JMJD1C: variants seen among roughly 807,000 people sequenced by gnomAD.
JMJD1C encodes jumonji domain containing 1C.
A neutral mutation model predicts 245.3 loss-of-function variants in JMJD1C; 31 were observed. The ratio of observed to expected loss-of-function variants is 0.13; its 90% CI spans 0.09 to 0.17. JMJD1C has a LOEUF of 0.17. Among genes scored for constraint, JMJD1C ranks in the 10% least tolerant of loss-of-function variants. JMJD1C has a pLI of 1.00. For synonymous variants in JMJD1C, 1,057 were observed against 1,017.4 expected (o/e 1.04, Z -0.74); for missense variants, 2,691 against 3,000.2 (o/e 0.90, Z 2.41).
chr10:63,366,006 T>C (rs554327469), intron 2 of JMJD1C, among the ~76,000 whole-genome samples: 1 of 152,096 alleles, frequency 6.6e-6, no homozygotes, highest in East Asian at 1.9e-4. Context: ...CATAATGAAA[T>C]GGGAATGGTC....
intron 2 of JMJD1C, among the ~76,000 whole-genome samples, chr10:63,270,808 G>C (rs1340038738): frequency 1.3e-5 from 2 of 152,094 alleles, no homozygotes. Context: ...CTTACGTGAT[G>C]ATATGAGACT....
chr10:63,389,443 TCTTTTTTTTTTC>T (rs1947880227), intron 1 of JMJD1C, among the ~76,000 whole-genome samples: 1 of 149,788 alleles, frequency 6.7e-6, no homozygotes, highest in Admixed American at 6.9e-5. Context: ...ATTTTGTTTT[TCTTTTTTTTTTC>T]CTTTTTTTTT....
At chr10:63,503,117 G>C (rs1377963320) in intron 1 of JMJD1C, among the ~76,000 whole-genome samples, 3 of 152,160 alleles carry the variant, frequency 2.0e-5, no homozygotes, top group African/African-American at 4.8e-5. Flanking sequence ...TAAAGACAAA[G>C]GGCCTGAGAA....
At chr10:63,332,930 T>C (rs1448412877) in intron 2 of JMJD1C, among the ~76,000 whole-genome samples, 1 of 152,170 alleles carries the variant, frequency 6.6e-6, no homozygotes, top group Non-Finnish European at 1.5e-5. Context: ...TAAACCATTA[T>C]GCTAATTATC....
intron 1 of JMJD1C, among the ~76,000 whole-genome samples, chr10:63,448,710 G>T (rs1331171779): frequency 1.3e-5 from 2 of 152,190 alleles, no homozygotes; most frequent in African/African-American, 2.4e-5. Context: ...GAAATCATTT[G>T]AAGTCTATTG....
intron 2 of JMJD1C, among the ~76,000 whole-genome samples, chr10:63,352,762 G>A (rs188475123): frequency 6.6e-6 from 1 of 152,062 alleles, no homozygotes; most frequent in Non-Finnish European, 1.5e-5. Flanking sequence ...GGTTTGAAAT[G>A]CATAGGTATG....
intron 2 of JMJD1C, among the ~76,000 whole-genome samples, chr10:63,369,280 T>C (rs1450123151): frequency 6.6e-6 from 1 of 152,014 alleles, no homozygotes; most frequent in Admixed American, 6.6e-5. Context: ...CAGCTGGTAT[T>C]ATGGAAGTGC....
chr10:63,216,161 A>T (rs1188068173), intron 5 of JMJD1C, among the ~76,000 whole-genome samples: 2 of 152,204 alleles, frequency 1.3e-5, no homozygotes, highest in Admixed American at 6.5e-5. Flanking sequence ...TCTGAGAGGT[A>T]AAAGTTTGTC....
chr10:63,349,536 T>C (rs1007946043), intron 2 of JMJD1C, among the ~76,000 whole-genome samples: 1 of 152,186 alleles, frequency 6.6e-6, no homozygotes, highest in Non-Finnish European at 1.5e-5. Context: ...CAGGCATGTA[T>C]TAGCAATAAC....
At chr10:63,223,235 T>G (rs1380215809) in intron 3 of JMJD1C, among the ~76,000 whole-genome samples, 2 of 149,040 alleles carry the variant, frequency 1.3e-5, no homozygotes, top group African/African-American at 2.5e-5. Context: ...TGCTGTTTTT[T>G]TTTTTTTTTT....
At chr10:63,353,284 C>T (rs934830625) in intron 2 of JMJD1C, among the ~76,000 whole-genome samples, 2 of 151,982 alleles carry the variant, frequency 1.3e-5, no homozygotes, top group Non-Finnish European at 2.9e-5. Flanking sequence ...AAGAAACTTA[C>T]AGCAATAAAT....
intron 1 of JMJD1C, among the ~76,000 whole-genome samples, chr10:63,448,408 C>T (rs1313115892): frequency 6.6e-6 from 1 of 152,140 alleles, no homozygotes; most frequent in African/African-American, 2.4e-5. Flanking sequence ...CCACCTGCCT[C>T]GGCCTCCCAA....
At chr10:63,309,989 A>G (rs993595489) in intron 2 of JMJD1C, among the ~76,000 whole-genome samples, 2 of 152,196 alleles carry the variant, frequency 1.3e-5, no homozygotes, top group African/African-American at 4.8e-5. Context: ...TGGACAAAAG[A>G]TCACGTCACA....
intron 2 of JMJD1C, among the ~76,000 whole-genome samples, chr10:63,321,280 T>C (rs1393155270): frequency 2.0e-5 from 3 of 152,246 alleles, no homozygotes; most frequent in South Asian, 2.1e-4. Context: ...AGCAAACTAA[T>C]TGAACATGAG....
At chr10:63,212,416 C>T (rs7920159) in intron 8 of JMJD1C, among the ~76,000 whole-genome samples, 2 of 152,032 alleles carry the variant, frequency 1.3e-5, no homozygotes, top group Non-Finnish European at 2.9e-5. Flanking sequence ...GTTGTCTCCT[C>T]GGAGTTTAAA....
At chr10:63,406,333 A>G (rs1270419870) in intron 1 of JMJD1C, among the ~76,000 whole-genome samples, 2 of 152,200 alleles carry the variant, frequency 1.3e-5, no homozygotes, top group Non-Finnish European at 2.9e-5. Context: ...AATGTGTGGA[A>G]AACAATACTG....
At chr10:63,362,891 A>G (rs184692011) in intron 2 of JMJD1C, among the ~76,000 whole-genome samples, 5 of 152,248 alleles carry the variant, frequency 3.3e-5, no homozygotes, top group South Asian at 2.1e-4. Context: ...AGCTATTGAA[A>G]AACACTTTGT....
chr10:63,257,840 GA>G (rs1203154697), intron 3 of JMJD1C, among the ~76,000 whole-genome samples: 2 of 151,994 alleles, frequency 1.3e-5, no homozygotes, highest in Admixed American at 6.5e-5. Context: ...ACTGGGAGAA[GA>G]AAAAAACACT....
Position 63,448,758 on chromosome 10 carries a change from A to G in JMJD1C, c.168+16737T>C, listed in dbSNP as rs117230759. On this transcript the variant is annotated intron_variant, in intron 1 of 25. Transcript: ENST00000399262. ...AGAACTCTATAAAAGGTCTACATAT[A>G]TATCATGCTAAACACATTGGGATTG... Among the ~76,000 whole-genome samples, 12 of 152,346 alleles carry G rather than the reference A, an allele frequency of 7.9e-5. No homozygotes were observed. In the East Asian group the frequency reaches 1.7e-3, roughly 22 times the overall value.
Sources: gnomAD v4.1 joint callset for allele counts (sites outside exome capture counted in the v4.1 genomes callset) on GRCh38, gnomAD v4.1.1 for gene constraint, MANE v1.5 for transcripts, NCBI Gene and HGNC (gene_info 2026-07-23, HGNC 2026-07-21) for gene names.